The following TENM2 variants were observed in gnomAD, a reference collection of about 807,000 sequenced individuals.
TENM2 encodes the protein teneurin transmembrane protein 2.
A neutral mutation model predicts 245.2 loss-of-function variants in TENM2; 52 were observed. That is an observed-to-expected ratio of 0.21 (90% CI 0.17 to 0.27). TENM2 has a LOEUF of 0.27. TENM2 is among the 10% of genes least tolerant of loss of function. TENM2 has a pLI of 1.00. For missense variants in TENM2, 3,046 were observed against 3,666.8 expected (o/e 0.83, Z 4.37); for synonymous variants, 1,363 against 1,438.9 (o/e 0.95, Z 1.19).
the TENM2 span, among the ~76,000 whole-genome samples, chr5:167,149,877 T>C: frequency 2.0e-5 from 3 of 152,242 alleles, no homozygotes; most frequent in African/African-American, 4.8e-5. Flanking sequence ...TGTGAGTATC[T>C]TGAGGACAAG....
the TENM2 span, among the ~76,000 whole-genome samples, chr5:167,211,290 C>T: frequency 6.6e-6 from 1 of 152,156 alleles, no homozygotes; most frequent in African/African-American, 2.4e-5. Flanking sequence ...ACTGTTTCAA[C>T]CAATCAGATA....
At chr5:167,641,318 A>G (rs1048000526) in intron 2 of TENM2, among the ~76,000 whole-genome samples, 57 of 152,248 alleles carry the variant, frequency 3.7e-4, no homozygotes, top group African/African-American at 1.2e-3. Flanking sequence ...GTAGTTATCT[A>G]TAATGAGATG....
At chr5:167,991,641 T>G (rs907350103) in intron 4 of TENM2, among the ~76,000 whole-genome samples, 1 of 152,232 alleles carries the variant, frequency 6.6e-6, no homozygotes, top group Admixed American at 6.5e-5. Context: ...TTCTACTGTA[T>G]GGTTCTGCTG....
intron 13 of TENM2, among the ~76,000 whole-genome samples, chr5:168,163,760 C>T (rs1332994199): frequency 6.6e-6 from 1 of 152,192 alleles, no homozygotes; most frequent in Non-Finnish European, 1.5e-5. Flanking sequence ...GTGTATATAC[C>T]TTCTAAGCTA....
At chr5:168,095,066 T>C (rs1793251775) in intron 8 of TENM2, among the ~76,000 whole-genome samples, 1 of 151,912 alleles carries the variant, frequency 6.6e-6, no homozygotes, top group African/African-American at 2.4e-5. Flanking sequence ...CGCCCACTGA[T>C]TTGACATTAT....
intron 4 of TENM2, among the ~76,000 whole-genome samples, chr5:167,991,038 A>G (rs1044467059): frequency 1.3e-5 from 2 of 152,170 alleles, no homozygotes; most frequent in African/African-American, 4.8e-5. Context: ...TTGAGCCCTA[A>G]TGACCCGCTT....
the TENM2 span, among the ~76,000 whole-genome samples, chr5:166,992,785 A>G: frequency 6.6e-6 from 1 of 152,136 alleles, no homozygotes; most frequent in African/African-American, 2.4e-5. Context: ...AGAAAGGGAG[A>G]GCCTGACAGA....
intron 8 of TENM2, among the ~76,000 whole-genome samples, chr5:168,096,798 C>G (rs1793407352): frequency 6.6e-6 from 1 of 152,168 alleles, no homozygotes; most frequent in African/African-American, 2.4e-5. Context: ...TTATACTTTC[C>G]TTTTCATCTT....
intron 2 of TENM2, among the ~76,000 whole-genome samples, chr5:167,764,013 C>A (rs1405991153): frequency 1.3e-5 from 2 of 152,082 alleles, no homozygotes; most frequent in Non-Finnish European, 2.9e-5. Flanking sequence ...CAAGCCACTC[C>A]TGCTGATAGT....
At chr5:168,017,238 G>A (rs1785735134) in intron 5 of TENM2, among the ~76,000 whole-genome samples, 1 of 152,144 alleles carries the variant, frequency 6.6e-6, no homozygotes, top group South Asian at 2.1e-4. Flanking sequence ...TTCAGACCCA[G>A]GTTTGAATTT....
chr5:167,640,771 A>G (rs757124915), intron 2 of TENM2, among the ~76,000 whole-genome samples: 3 of 147,558 alleles, frequency 2.0e-5, no homozygotes, highest in Non-Finnish European at 4.5e-5. Flanking sequence ...CTGAAATTCC[A>G]TAGATATCAC....
At chr5:167,405,033 G>A (rs188672538) in intron 2 of TENM2, among the ~76,000 whole-genome samples, 1 of 152,216 alleles carries the variant, frequency 6.6e-6, no homozygotes, top group African/African-American at 2.4e-5. Flanking sequence ...ATAGAATCAT[G>A]CAATATGTAG....
At chr5:168,069,651 T>C (rs1300543325) in intron 7 of TENM2, among the ~76,000 whole-genome samples, 1 of 152,182 alleles carries the variant, frequency 6.6e-6, no homozygotes, top group Non-Finnish European at 1.5e-5. Flanking sequence ...CTTTTACAGA[T>C]GGAAGAACTG....
Position 167,547,665 on chromosome 5 carries a change from G to A in TENM2, c.502+172192G>A, listed in dbSNP as rs183075640. Among the ~76,000 whole-genome samples, 5 of 152,286 alleles carry A rather than the reference G, an allele frequency of 3.3e-5. No homozygotes were observed. In the East Asian group the frequency reaches 7.7e-4, roughly 24 times the overall value. Reference sequence around the variant, plus strand: ...ACTTTCTCTTTACAGATGTAGAAACGGAGGCTCAAAGAGGTCTTATGCCTG... The same window carrying A: ...ACTTTCTCTTTACAGATGTAGAAACAGAGGCTCAAAGAGGTCTTATGCCTG... On this transcript the variant is annotated intron_variant, in intron 2 of 28. Coordinates refer to ENST00000518659, the Ensembl canonical transcript of TENM2.
chr5:167,270,893 A>G, the TENM2 span, among the ~76,000 whole-genome samples: 1 of 152,148 alleles, frequency 6.6e-6, no homozygotes, highest in African/African-American at 2.4e-5. Context: ...TCCCATCTCT[A>G]AAACACAGCT....
rs1274384185 is a variant in TENM2 at position 167,328,354 on chromosome 5, G to C, written c.226+43291G>C. The stretch of plus-strand genomic sequence containing the variant: ...CCTGAGTAGCTTGGACTACAGGCAC[G>C]CACCACCATGCCCAGCTAATTTTTT... On this transcript the variant is annotated intron_variant, in intron 1 of 28. Transcript: ENST00000518659. 2.0e-5 allele frequency among the ~76,000 whole-genome samples: 3 copies of C among 151,784 alleles called. No homozygotes were observed. In the East Asian group the frequency reaches 5.8e-4, roughly 30 times the overall value.
At chr5:167,506,412 T>C (rs1769554529) in intron 2 of TENM2, among the ~76,000 whole-genome samples, 1 of 152,168 alleles carries the variant, frequency 6.6e-6, no homozygotes. Flanking sequence ...CAACTAACTT[T>C]GTGAAACTTG....
intron 2 of TENM2, among the ~76,000 whole-genome samples, chr5:167,671,090 G>A (rs571136967): frequency 2.2e-4 from 33 of 152,080 alleles, no homozygotes; most frequent in Non-Finnish European, 4.4e-4. Context: ...TTCAGCCTTA[G>A]ACTCATAGTT....
the TENM2 span, among the ~76,000 whole-genome samples, chr5:167,090,196 G>A: frequency 6.6e-6 from 1 of 150,852 alleles, no homozygotes; most frequent in Admixed American, 6.6e-5. Flanking sequence ...GCTACTGCTG[G>A]TTTGTTTTTA....
Sources: allele counts gnomAD v4.1 joint callset (sites outside exome capture counted in the v4.1 genomes callset), GRCh38; gene constraint gnomAD v4.1.1; transcripts MANE v1.5; gene names NCBI Gene and HGNC (gene_info 2026-07-23, HGNC 2026-07-21).